NPAS3: variants seen among roughly 807,000 people sequenced by gnomAD.
NPAS3 encodes neuronal PAS domain-containing protein 3.
In NPAS3, 14 loss-of-function variants were observed where a neutral mutation model predicts 73.1. That is an observed-to-expected ratio of 0.19 (90% confidence interval 0.13 to 0.30). NPAS3 has a LOEUF of 0.30. Among genes scored for constraint, NPAS3 ranks in the 10% least tolerant of loss-of-function variants. The pLI is 1.00. For synonymous variants in NPAS3, 620 were observed against 541.5 expected (o/e 1.14, Z -2.01); for missense variants, 1,096 against 1,250.0 (o/e 0.88, Z 1.86).
chr14:33,702,605 C>T (rs1474495372), intron 6 of NPAS3, among the ~76,000 whole-genome samples: 2 of 152,136 alleles, frequency 1.3e-5, no homozygotes, highest in African/African-American at 2.4e-5. Context: ...CCTAGAAGAA[C>T]ACTAACATTC....
chr14:33,236,379 G>A (rs1414818564), intron 3 of NPAS3, among the ~76,000 whole-genome samples: 2 of 151,996 alleles, frequency 1.3e-5, no homozygotes, highest in African/African-American at 4.8e-5. Flanking sequence ...TTACCTCACT[G>A]TAATTTTATT....
intron 2 of NPAS3, among the ~76,000 whole-genome samples, chr14:33,107,194 A>G (rs2042747627): frequency 1.3e-5 from 2 of 152,094 alleles, no homozygotes; most frequent in South Asian, 4.1e-4. Flanking sequence ...TAATCCAAAG[A>G]TTAAGTCTGA....
At chr14:33,328,183 A>G (rs1474914893) in intron 3 of NPAS3, among the ~76,000 whole-genome samples, 3 of 151,996 alleles carry the variant, frequency 2.0e-5, no homozygotes, top group Non-Finnish European at 4.4e-5. Flanking sequence ...TATGTTGGAA[A>G]CTGTGGGATG....
At chr14:33,015,816 T>G (rs2039370707) in intron 1 of NPAS3, among the ~76,000 whole-genome samples, 1 of 152,204 alleles carries the variant, frequency 6.6e-6, no homozygotes. Flanking sequence ...TCTCTGCTTC[T>G]TTGTATTTTT....
chr14:33,416,322 G>T (rs2048146411), intron 4 of NPAS3, among the ~76,000 whole-genome samples: 1 of 152,018 alleles, frequency 6.6e-6, no homozygotes, highest in African/African-American at 2.4e-5. Context: ...ATTTATCTTG[G>T]ACAGAGGCGG....
intron 4 of NPAS3, among the ~76,000 whole-genome samples, chr14:33,551,656 C>CA (rs1323853359): frequency 6.6e-6 from 1 of 152,180 alleles, no homozygotes; most frequent in African/African-American, 2.4e-5. Flanking sequence ...GAAATGGGGT[C>CA]AGTGTTCTGG....
chr14:33,269,270 C>G (rs243305), intron 3 of NPAS3, among the ~76,000 whole-genome samples: 114,755 of 152,058 alleles, frequency 0.75, 44,296 homozygotes, highest in Admixed American at 0.84. Flanking sequence ...AAGTTTAATC[C>G]ACACAACACC....
intron 4 of NPAS3, among the ~76,000 whole-genome samples, chr14:33,458,412 G>C (rs2050114589): frequency 6.6e-6 from 1 of 152,018 alleles, no homozygotes; most frequent in Admixed American, 6.6e-5. Context: ...TTATTTTTTG[G>C]ATATATGCCT....
chr14:33,537,944 A>G (rs1163552082), intron 4 of NPAS3, among the ~76,000 whole-genome samples: 1 of 152,198 alleles, frequency 6.6e-6, no homozygotes, highest in Non-Finnish European at 1.5e-5. Flanking sequence ...ACCTTGCCTC[A>G]GCCAGGTGGT....
chr14:33,110,682 T>C (rs1418444584), intron 2 of NPAS3, among the ~76,000 whole-genome samples: 1 of 152,192 alleles, frequency 6.6e-6, no homozygotes, highest in Non-Finnish European at 1.5e-5. Context: ...TTTTTAATAC[T>C]ATTCAGCACA....
At chr14:33,474,372 G>C (rs1013195649) in intron 4 of NPAS3, among the ~76,000 whole-genome samples, 1 of 152,098 alleles carries the variant, frequency 6.6e-6, no homozygotes, top group African/African-American at 2.4e-5. Flanking sequence ...GATAACTACA[G>C]TATGTTTAGT....
At chr14:33,419,202 T>C (rs2048273955) in intron 4 of NPAS3, among the ~76,000 whole-genome samples, 1 of 151,770 alleles carries the variant, frequency 6.6e-6, no homozygotes, top group African/African-American at 2.4e-5. Context: ...AGGCTGAAGG[T>C]AGACTAAGGA....
intron 7 of NPAS3, among the ~76,000 whole-genome samples, chr14:33,746,509 T>TC (rs1357030054): frequency 6.6e-6 from 1 of 151,630 alleles, no homozygotes; most frequent in African/African-American, 2.4e-5. Flanking sequence ...ATTCTTTTTT[T>TC]TTTTTTATGA....
chr14:33,180,957 G>A (rs75430972), intron 2 of NPAS3, among the ~76,000 whole-genome samples: 1,866 of 152,152 alleles, frequency 0.012, 12 homozygotes, highest in Middle Eastern at 0.024. Context: ...CCATCATAAA[G>A]AAATGTTGTA....
chr14:33,566,176 A>T (rs939697401), intron 5 of NPAS3, among the ~76,000 whole-genome samples: 1 of 152,144 alleles, frequency 6.6e-6, no homozygotes, highest in Non-Finnish European at 1.5e-5. Context: ...GTGAAGGCCT[A>T]CAAGGGCACT....
In NPAS3 at chr14:33,121,121, A is replaced by G. The variant is rs192371468; in HGVS notation, c.140+65127A>G. ...AGTCAGTCTTATGCACACTGACCCA[A>G]AATCAAGTCTGTCTTATGCACACTG... On this transcript the variant is annotated intron_variant, in intron 2 of 11. Transcript: ENST00000356141. Among the ~76,000 whole-genome samples, 26 of 152,086 alleles carry G rather than the reference A, an allele frequency of 1.7e-4. No individual in the cohort carries two copies. In the East Asian group the frequency reaches 4.7e-3, roughly 27 times the overall value.
chr14:33,439,487 C>A (rs932523861), intron 4 of NPAS3, among the ~76,000 whole-genome samples: 4 of 152,174 alleles, frequency 2.6e-5, no homozygotes, highest in African/African-American at 9.7e-5. Flanking sequence ...ACCTACGTTC[C>A]TCAGAGCCGA....
rs368165125 is a variant in NPAS3 at position 33,129,957 on chromosome 14, T to C, written c.140+73963T>C. ...CATGATTAAGCAACAGATCATACCATCTGTGTTTAGCATGGCTCCCTAATA... is the reference window on the plus strand; with the variant it reads ...CATGATTAAGCAACAGATCATACCACCTGTGTTTAGCATGGCTCCCTAATA... On this transcript the variant is annotated intron_variant, in intron 2 of 11. Coordinates refer to ENST00000356141, the Ensembl canonical transcript of NPAS3. Among the ~76,000 whole-genome samples the C allele has an allele frequency of 6.6e-5, 10 of 152,164 alleles. 1 individual carries two copies. Among genetic ancestry groups the C allele is most frequent in the Admixed American group, 4.6e-4 (7 of 15,258 alleles).
At chr14:33,646,043 G>A (rs2058820134) in intron 5 of NPAS3, among the ~76,000 whole-genome samples, 1 of 152,186 alleles carries the variant, frequency 6.6e-6, no homozygotes, top group Non-Finnish European at 1.5e-5. Context: ...GTGGATGAAA[G>A]GTGCAAGTGC....
Sources: allele counts gnomAD v4.1 joint callset (sites outside exome capture counted in the v4.1 genomes callset), GRCh38; gene constraint gnomAD v4.1.1; transcripts MANE v1.5; gene names NCBI Gene and HGNC (gene_info 2026-07-23, HGNC 2026-07-21).